Variants in CBLB observed in about 807,000 individuals in gnomAD.
CBLB encodes the protein Cbl proto-oncogene B, also known as E3 ubiquitin-protein ligase CBL-B.
A neutral mutation model predicts 104.9 loss-of-function variants in CBLB; 31 were observed. That is an observed-to-expected ratio of 0.30 (90% CI 0.22 to 0.40). The LOEUF (loss-of-function observed/expected upper bound fraction) is 0.40. Among genes scored for constraint, CBLB ranks in the 10% least tolerant of loss-of-function variants. The probability of loss-of-function intolerance (pLI) is 1.00; values close to 1 mark genes in which losing one functional copy is unlikely to be tolerated. For synonymous variants in CBLB, 440 were observed against 422.6 expected (o/e 1.04, Z -0.51); for missense variants, 1,062 against 1,214.6 (o/e 0.87, Z 1.87).
At chr3:105,851,782 T>C (rs144226221) in intron 3 of CBLB, among the ~76,000 whole-genome samples, 1,851 of 152,312 alleles carry the variant, frequency 0.012, 13 homozygotes, top group Middle Eastern at 0.027. Flanking sequence ...AATACAGTCA[T>C]GAACCCCGTA....
intron 4 of CBLB, among the ~76,000 whole-genome samples, chr3:105,762,697 G>T (rs920871441): frequency 1.4e-4 from 21 of 152,330 alleles, no homozygotes; most frequent in African/African-American, 5.1e-4. Context: ...CTCTTGTGGA[G>T]GTAGACATCT....
chr3:105,665,429 A>G (rs1462002461), intron 18 of CBLB, among the ~76,000 whole-genome samples: 1 of 129,780 alleles, frequency 7.7e-6, no homozygotes, highest in East Asian at 2.3e-4. Flanking sequence ...ATATATATAT[A>G]TATATATATA....
chr3:105,823,091 T>C (rs1304085506), intron 3 of CBLB, among the ~76,000 whole-genome samples: 1 of 152,214 alleles, frequency 6.6e-6, no homozygotes, highest in Non-Finnish European at 1.5e-5. Context: ...ATAAGTTAAA[T>C]GACAGAGGAC....
rs2063320560 is a variant in CBLB, at chr3:105,656,059, T to C, written c.*2911A>G. On this transcript the variant is annotated 3_prime_UTR_variant, in exon 19 of 19. Coordinates refer to ENST00000394030, the MANE Select transcript of CBLB (RefSeq NM_170662.5). ...TGAAGGTTGTATTTGTGGAAGGAAA[T>C]TCAAGTTAAGCAAAAACTGCTTTTA... 4.4e-6 allele frequency: 1 copy of C among 225,354 alleles called. No individual in the cohort carries two copies. The highest frequency in any genetic ancestry group is 1.4e-3 in the Middle Eastern group (1 of 740). 14.0% of individuals were successfully genotyped at this position (225,354 alleles called of 1,614,324 possible).
intron 18 of CBLB, among the ~76,000 whole-genome samples, chr3:105,668,170 A>G (rs2064680153): frequency 6.6e-6 from 1 of 152,048 alleles, no homozygotes; most frequent in Non-Finnish European, 1.5e-5. Context: ...AATAGTCAGG[A>G]GTCTTTTATT....
chr3:105,805,644 C>A (rs1284468718), intron 3 of CBLB, among the ~76,000 whole-genome samples: 1 of 152,084 alleles, frequency 6.6e-6, no homozygotes, highest in Non-Finnish European at 1.5e-5. Flanking sequence ...TTTATTCCCT[C>A]AACTGCCAGG....
intron 9 of CBLB, among the ~76,000 whole-genome samples, chr3:105,725,629 T>G (rs1381383562): frequency 2.0e-5 from 3 of 152,206 alleles, no homozygotes; most frequent in Non-Finnish European, 4.4e-5. Flanking sequence ...GCAGCTTCTT[T>G]ATTACTCCCA....
Position 105,740,305 on chromosome 3 carries a change from T to C in CBLB, c.983+189A>G, listed in dbSNP as rs55857799. Among the ~76,000 whole-genome samples the C allele has an allele frequency of 3.9e-3, 590 of 152,338 alleles. 4 individuals carry two copies. Among genetic ancestry groups the C allele is most frequent in the African/African-American group, 0.014 (562 of 41,568 alleles). On this transcript the variant is annotated intron_variant, in intron 7 of 18. Transcript: ENST00000394030. The stretch of plus-strand genomic sequence containing the variant: ...AAGTTGAAATGTATTTGCTATAACA[T>C]AGTTTCAAATAATTAGGTTACCTTA...
intron 9 of CBLB, among the ~76,000 whole-genome samples, chr3:105,730,155 C>T (rs1430042561): frequency 1.3e-5 from 2 of 150,746 alleles, no homozygotes; most frequent in Admixed American, 6.6e-5. Flanking sequence ...TGTAAAACAG[C>T]GATAAAAATG....
intron 3 of CBLB, among the ~76,000 whole-genome samples, chr3:105,778,962 A>C (rs1475435663): frequency 6.6e-6 from 1 of 152,224 alleles, no homozygotes; most frequent in Admixed American, 6.5e-5. Context: ...AAAAGTATAA[A>C]GTCACCTTAG....
intron 2 of CBLB, among the ~76,000 whole-genome samples, chr3:105,856,364 AAAAAG>A (rs1560551381): frequency 2.0e-5 from 3 of 151,500 alleles, no homozygotes; most frequent in Non-Finnish European, 4.4e-5. Flanking sequence ...AAAAAAAAAA[AAAAAG>A]AAAAGGAAAA....
At chr3:105,859,946 T>A (rs1180836913) in intron 2 of CBLB, among the ~76,000 whole-genome samples, 3 of 152,232 alleles carry the variant, frequency 2.0e-5, no homozygotes, top group Non-Finnish European at 4.4e-5. Flanking sequence ...CATATAAAAT[T>A]GATCATGAGT....
At chr3:105,719,134 G>C (rs1168261531) in intron 10 of CBLB, among the ~76,000 whole-genome samples, 5 of 152,224 alleles carry the variant, frequency 3.3e-5, no homozygotes, top group African/African-American at 1.2e-4. Context: ...AAGCCAAACA[G>C]TGAGACAGCC....
intron 3 of CBLB, among the ~76,000 whole-genome samples, chr3:105,844,115 C>T (rs966936003): frequency 1.7e-4 from 26 of 152,158 alleles, no homozygotes; most frequent in African/African-American, 4.1e-4. Context: ...TGTGTGATGA[C>T]AGAGCAGAGA....
At chr3:105,820,986 A>G (rs2085759961) in intron 3 of CBLB, among the ~76,000 whole-genome samples, 1 of 152,152 alleles carries the variant, frequency 6.6e-6, no homozygotes, top group Non-Finnish European at 1.5e-5. Flanking sequence ...CCTTTTACCT[A>G]TATCATTGAA....
At position 105,659,073 on chromosome 3, in the gene CBLB, A is replaced by C. The variant is rs1200423616; in HGVS notation, c.2846T>G (p.Val949Gly). 6.2e-7 allele frequency: 1 copy of C among 1,613,696 alleles called. No homozygotes were observed. Among genetic ancestry groups the C allele is most frequent in the Admixed American group, 1.7e-5 (1 of 59,976 alleles). Residue 949 changes from valine to glycine, a missense_variant, in exon 19 of 19, where the codon GTG becomes GGG. Coordinates refer to ENST00000394030, the MANE Select transcript of CBLB (RefSeq NM_170662.5). ...CTGGGCTATCTCTAAGGCTCTCTTC[A>C]CCTCTTCAAAGGCATAACCCTCTCC... ...LMGEGYAFEEVKRALEIAQNN... is the reference protein window; with the variant it reads ...LMGEGYAFEEGKRALEIAQNN...
At chr3:105,685,192 G>A (rs2066856607) in intron 14 of CBLB, 128 bp downstream of exon 14, 1 of 823,758 alleles carries the variant, frequency 1.2e-6, no homozygotes, top group East Asian at 2.6e-5. Context: ...TGGTATAATA[G>A]GAAGAGAAGG....
chr3:105,840,822 A>C (rs1560484719), intron 3 of CBLB, among the ~76,000 whole-genome samples: 1 of 152,056 alleles, frequency 6.6e-6, no homozygotes, highest in Non-Finnish European at 1.5e-5. Flanking sequence ...TTGGGTCTAA[A>C]CCTAAAGTTA....
At chr3:105,679,844 A>G (rs767045674) in intron 16 of CBLB, among the ~76,000 whole-genome samples, 1 of 152,138 alleles carries the variant, frequency 6.6e-6, no homozygotes. Context: ...TTCTTTAATC[A>G]TATTTTTCTT....
Sources: allele counts gnomAD v4.1 joint callset (sites outside exome capture counted in the v4.1 genomes callset), GRCh38; gene constraint gnomAD v4.1.1; transcripts MANE v1.5; gene names NCBI Gene and HGNC (gene_info 2026-07-23, HGNC 2026-07-21).